The following SHROOM3 variants were observed in gnomAD, a reference collection of about 807,000 sequenced individuals.
SHROOM3 encodes shroom family member 3.
Under a neutral mutation model 138.6 loss-of-function variants are expected in SHROOM3, and 47 were observed. The observed-to-expected ratio is 0.34, with a 90% CI of 0.27 to 0.43. SHROOM3 has a LOEUF of 0.43. SHROOM3 is among the 20% of genes least tolerant of loss of function. The pLI, the probability that SHROOM3 is intolerant of heterozygous loss-of-function variation, is 1.00. For synonymous variants in SHROOM3, 1,062 were observed against 1,063.3 expected, an observed-to-expected ratio of 1.00 and a Z score of 0.02; for missense variants, 2,491 against 2,596.5, an observed-to-expected ratio of 0.96 and a Z score of 0.88.
At chr4:76,766,645 G>GT (rs1270415221) in intron 9 of SHROOM3, among the ~76,000 whole-genome samples, 3 of 152,162 alleles carry the variant, frequency 2.0e-5, no homozygotes, top group African/African-American at 7.2e-5. Context: ...ACATTGGTAG[G>GT]TTTTTTGGAA....
intron 3 of SHROOM3, among the ~76,000 whole-genome samples, chr4:76,726,121 A>G (rs1019505509): frequency 1.3e-5 from 2 of 152,028 alleles, no homozygotes; most frequent in African/African-American, 4.8e-5. Flanking sequence ...GTGGCCATGC[A>G]TCTACCCTCA....
intron 2 of SHROOM3, among the ~76,000 whole-genome samples, chr4:76,654,061 G>A (rs1406018658): frequency 6.6e-6 from 1 of 152,174 alleles, no homozygotes; most frequent in Non-Finnish European, 1.5e-5. Context: ...CTTGGGTAGA[G>A]AGTTCCTAAC....
intron 1 of SHROOM3, among the ~76,000 whole-genome samples, chr4:76,456,526 G>A (rs1302987031): frequency 6.6e-6 from 1 of 152,142 alleles, no homozygotes; most frequent in Non-Finnish European, 1.5e-5. Flanking sequence ...CGAACATACT[G>A]TGTATACCTC....
intron 1 of SHROOM3, among the ~76,000 whole-genome samples, chr4:76,553,889 A>G (rs1055213605): frequency 6.6e-6 from 1 of 152,218 alleles, no homozygotes; most frequent in African/African-American, 2.4e-5. Flanking sequence ...GCCCACACAT[A>G]CACATAGCCT....
chr4:76,527,360 A>T (rs907934407), intron 1 of SHROOM3, among the ~76,000 whole-genome samples: 6 of 152,184 alleles, frequency 3.9e-5, no homozygotes, highest in Non-Finnish European at 7.3e-5. Context: ...AGGCGGCCGG[A>T]TTGCCTGAGG....
At chr4:76,579,217 C>T (rs1438191511) in intron 2 of SHROOM3, among the ~76,000 whole-genome samples, 1 of 150,732 alleles carries the variant, frequency 6.6e-6, no homozygotes, top group Non-Finnish European at 1.5e-5. Context: ...GCCTGTAATC[C>T]CAGCACTTTG....
Position 76,655,579 on chromosome 4 carries a change from A to G in SHROOM3, c.324-54577A>G, listed in dbSNP as rs1037451332. On this transcript the variant is annotated intron_variant, in intron 2 of 10. Transcript: ENST00000296043. ...AAGAAATTCCTGTGTTCTTTTCTCT[A>G]GGGTTGCTCACTTAACCTTTCCGTC... 3.3e-5 allele frequency among the ~76,000 whole-genome samples: 5 copies of G among 152,346 alleles called. No homozygotes were observed. The South Asian group carries it at 8.3e-4, about 25-fold the overall frequency.
At chr4:76,616,737 C>A (rs1734889925) in intron 2 of SHROOM3, among the ~76,000 whole-genome samples, 2 of 152,126 alleles carry the variant, frequency 1.3e-5, no homozygotes, top group Admixed American at 1.3e-4. Context: ...TGAGAAGCAT[C>A]CTGTGGATGG....
At chr4:76,583,359 G>A (rs1224799972) in intron 2 of SHROOM3, among the ~76,000 whole-genome samples, 1 of 152,162 alleles carries the variant, frequency 6.6e-6, no homozygotes, top group Non-Finnish European at 1.5e-5. Flanking sequence ...TCTCACCTCA[G>A]GTCATGATGA....
rs1403623235 is a variant in SHROOM3 at position 76,608,666 on chromosome 4, CACAGCAT to C, written c.323+52905_323+52911del. On this transcript the variant is annotated intron_variant, in intron 2 of 10. Coordinates refer to ENST00000296043, the MANE Select transcript of SHROOM3 (RefSeq NM_020859.4). Reference sequence around the variant, plus strand: ...CATAGCATAGCATAGCATAGCATAGCACAGCATAGCACAGCACAGCACAGCACAGCAC... The same window carrying C: ...CATAGCATAGCATAGCATAGCATAGCAGCACAGCACAGCACAGCACAGCAC... 1.7e-3 allele frequency among the ~76,000 whole-genome samples: 45 copies of C among 26,926 alleles called. 2 individuals carry two copies. The highest frequency in any genetic ancestry group is 2.7e-3 in the African/African-American group (42 of 15,804). The allele number at this position is 26,926 out of a possible 152,430, so 17.7% of individuals were successfully genotyped here.
At chr4:76,672,379 C>A (rs1385404543) in intron 2 of SHROOM3, among the ~76,000 whole-genome samples, 3 of 137,722 alleles carry the variant, frequency 2.2e-5, no homozygotes, top group African/African-American at 5.5e-5. Context: ...TAATTAAATT[C>A]TTTTTACTGG....
intron 3 of SHROOM3, among the ~76,000 whole-genome samples, chr4:76,713,083 C>T (rs1224858710): frequency 3.3e-5 from 5 of 152,182 alleles, no homozygotes; most frequent in East Asian, 3.8e-4. Flanking sequence ...GGAGAGTCAG[C>T]GAGTGAGTGG....
chr4:76,739,236 G>C lies in SHROOM3; in HGVS notation c.1063G>C (p.Gly355Arg). 6.2e-7 allele frequency: 1 copy of C among 1,614,144 alleles called. No individual in the cohort carries two copies. Residue 355 changes from glycine (G) to arginine (R), a missense_variant, in exon 5 of 11, where the codon GGA becomes CGA. Around this residue, in one of 4 missense-constraint regions of SHROOM3, gnomAD observed 1,733 missense variants for 1,661.6 expected, o/e 1.04. Transcript: ENST00000296043. ...DKWSNIPRGK[G>R]VPPPSWSQQC... is the part of the protein sequence containing the mutation. The stretch of plus-strand genomic sequence containing the variant: ...ATGGTCTAATATTCCTCGGGGCAAG[G>C]GAGTGCCACCCCCATCCTGGAGCCA...
intron 2 of SHROOM3, among the ~76,000 whole-genome samples, chr4:76,637,179 A>G (rs2110077843): frequency 6.6e-6 from 1 of 152,350 alleles, no homozygotes; most frequent in East Asian, 1.9e-4. Context: ...AGATATTTCT[A>G]TGATATATAC....
chr4:76,449,657 G>A (rs567269233), intron 1 of SHROOM3, among the ~76,000 whole-genome samples: 1 of 152,250 alleles, frequency 6.6e-6, no homozygotes, highest in South Asian at 2.1e-4. Context: ...GTAGCTTCAC[G>A]TGACAGCCAT....
intron 1 of SHROOM3, among the ~76,000 whole-genome samples, chr4:76,486,403 A>G (rs1313670458): frequency 1.3e-5 from 2 of 152,264 alleles, no homozygotes; most frequent in Non-Finnish European, 2.9e-5. Flanking sequence ...GGATCAAGGC[A>G]GTAAAGTTGA....
chr4:76,758,722 G>C (rs1721899020), intron 8 of SHROOM3: 1 of 152,124 alleles, frequency 6.6e-6, no homozygotes, highest in Non-Finnish European at 1.5e-5. Flanking sequence ...ATGATTTTTT[G>C]TGTGTGTGGT....
chr4:76,450,076 C>A (rs970325720), intron 1 of SHROOM3, among the ~76,000 whole-genome samples: 53 of 152,088 alleles, frequency 3.5e-4, no homozygotes, highest in Non-Finnish European at 6.0e-4. Flanking sequence ...CCATTGATTG[C>A]CGAACACATT....
intron 1 of SHROOM3, among the ~76,000 whole-genome samples, chr4:76,503,313 T>G (rs990800719): frequency 6.6e-6 from 1 of 152,166 alleles, no homozygotes; most frequent in African/African-American, 2.4e-5. Flanking sequence ...CCAGTAATAT[T>G]TTGTGGTTAT....
Sources: gnomAD v4.1 joint callset for allele counts (sites outside exome capture counted in the v4.1 genomes callset) on GRCh38, gnomAD v4.1.1 for gene constraint, gnomAD v4.1.1 regional missense constraint, MANE v1.5 for transcripts, NCBI Gene and HGNC (gene_info 2026-07-23, HGNC 2026-07-21) for gene names.